The following PRKG1 variants were observed in gnomAD, a reference collection of about 807,000 sequenced individuals.
The protein encoded by PRKG1 is protein kinase cGMP-dependent 1.
Under a neutral mutation model 88.1 loss-of-function variants are expected in PRKG1, and 35 were observed. The observed-to-expected ratio is 0.40, with a 90% CI of 0.30 to 0.53. The LOEUF (loss-of-function observed/expected upper bound fraction) is 0.53, where lower values mean the gene tolerates loss of function less well. PRKG1 is among the 20% of genes least tolerant of loss of function. The pLI, the probability that PRKG1 is intolerant of heterozygous loss-of-function variation, is 0.59. For missense variants in PRKG1, 540 were observed against 839.8 expected, an observed-to-expected ratio of 0.64 and a Z score of 4.41; for synonymous variants, 303 against 292.5, an observed-to-expected ratio of 1.04 and a Z score of -0.37.
chr10:52,099,284 CA>C (rs1213559298), intron 7 of PRKG1, among the ~76,000 whole-genome samples: 1 of 151,976 alleles, frequency 6.6e-6, no homozygotes, highest in Non-Finnish European at 1.5e-5. Flanking sequence ...AATGGTAGAA[CA>C]TTTAAAAAAA....
chr10:52,280,248 G>T (rs1397746399), intron 12 of PRKG1, among the ~76,000 whole-genome samples: 1 of 152,104 alleles, frequency 6.6e-6, no homozygotes, highest in African/African-American at 2.4e-5. Context: ...CATTATGATT[G>T]CATCAGTAGC....
At chr10:51,978,021 A>G (rs1368352785) in intron 5 of PRKG1, among the ~76,000 whole-genome samples, 1 of 151,924 alleles carries the variant, frequency 6.6e-6, no homozygotes, top group Non-Finnish European at 1.5e-5. Flanking sequence ...TTGCTTTGGC[A>G]TCTTTGTCAT....
intron 4 of PRKG1, among the ~76,000 whole-genome samples, chr10:51,882,878 T>C (rs7092679): frequency 0.75 from 114,597 of 152,088 alleles, 43,679 homozygotes; most frequent in African/African-American, 0.87. Context: ...GAGCCGTTGT[T>C]CTCAGTGTAC....
intron 2 of PRKG1, among the ~76,000 whole-genome samples, chr10:51,203,243 CT>C (rs1243623058): frequency 2.6e-5 from 4 of 152,102 alleles, no homozygotes. Flanking sequence ...AGTTTTGTCC[CT>C]TTTCAAACAT....
At chr10:51,049,365 G>A (rs73322654) in intron 1 of PRKG1, among the ~76,000 whole-genome samples, 3,788 of 152,244 alleles carry the variant, frequency 0.025, 73 homozygotes, top group African/African-American at 0.039. Context: ...AATGTGTGGC[G>A]TTGTAATTCA....
intron 2 of PRKG1, among the ~76,000 whole-genome samples, chr10:51,262,730 G>A (rs1839743035): frequency 6.6e-6 from 1 of 152,160 alleles, no homozygotes; most frequent in South Asian, 2.1e-4. Flanking sequence ...AGGGGAAGGA[G>A]AAGCAAAGCA....
In PRKG1 at chr10:51,455,795, A is replaced by G. The variant is rs181392658; in HGVS notation, c.479-11928A>G. Among the ~76,000 whole-genome samples, 14 of 152,290 alleles carry G rather than the reference A, an allele frequency of 9.2e-5. No individual in the cohort carries two copies. The East Asian group carries it at 2.7e-3, about 29-fold the overall frequency. ...TTTCTAGGAAGTTGCAAACTTTCTC[A>G]CTTCTTCCTGTCTTCTGAGCCCTCC... is the stretch of plus-strand genomic sequence containing the variant. On this transcript the variant is annotated intron_variant, in intron 2 of 17. Coordinates refer to ENST00000373980, the MANE Select transcript of PRKG1 (RefSeq NM_006258.4).
intron 3 of PRKG1, among the ~76,000 whole-genome samples, chr10:51,516,192 G>A (rs954691861): frequency 2.6e-5 from 4 of 152,126 alleles, no homozygotes; most frequent in Non-Finnish European, 4.4e-5. Context: ...GAGCTGGAAT[G>A]CTGGAATGGG....
chr10:52,146,902 C>A (rs1017741703), intron 8 of PRKG1, among the ~76,000 whole-genome samples: 2 of 152,148 alleles, frequency 1.3e-5, no homozygotes, highest in African/African-American at 4.8e-5. Flanking sequence ...TCCACTGCAC[C>A]CTCGCCAGCT....
chr10:51,793,126 G>T (rs570587722), intron 3 of PRKG1, among the ~76,000 whole-genome samples: 4 of 105,574 alleles, frequency 3.8e-5, no homozygotes, highest in Admixed American at 1.1e-4. Context: ...TTTAAAGAAG[G>T]TCAGCACACT....
At position 51,698,098 on chromosome 10, in the gene PRKG1, C is replaced by T. The variant is rs1382377739; in HGVS notation, c.593-106487C>T. The T allele has an allele frequency of 3.1e-6, 5 of 1,613,946 alleles. No individual in the cohort carries two copies. The Admixed American group carries it at 5.0e-5, about 16-fold the overall frequency. The stretch of plus-strand genomic sequence containing the variant: ...TGGGTCCCTGAGGAGGGCCACCTGC[C>T]CCTATATTAATGGGACCAGGACCCT... On this transcript the variant is annotated intron_variant, in intron 3 of 17. Transcript: ENST00000373980.
intron 2 of PRKG1, among the ~76,000 whole-genome samples, chr10:51,270,658 G>GA (rs34944647): frequency 0.17 from 25,760 of 151,836 alleles, 2,289 homozygotes; most frequent in Non-Finnish European, 0.2. Flanking sequence ...TTTTCTCTCA[G>GA]AAAAAAATCA....
intron 2 of PRKG1, among the ~76,000 whole-genome samples, chr10:51,397,376 C>T (rs1396694865): frequency 6.6e-6 from 1 of 152,028 alleles, no homozygotes; most frequent in Non-Finnish European, 1.5e-5. Context: ...CCTTTTATAG[C>T]CTATGACCTA....
intron 3 of PRKG1, among the ~76,000 whole-genome samples, chr10:51,609,070 T>G (rs1031384446): frequency 6.6e-6 from 1 of 151,968 alleles, no homozygotes; most frequent in African/African-American, 2.4e-5. Flanking sequence ...TAAGGTTAGT[T>G]TATTATTTTT....
At chr10:51,482,153 C>G (rs1266392524) in intron 3 of PRKG1, among the ~76,000 whole-genome samples, 2 of 152,172 alleles carry the variant, frequency 1.3e-5, no homozygotes, top group African/African-American at 4.8e-5. Flanking sequence ...CCAGTACAAA[C>G]TACTCACCTC....
intron 7 of PRKG1, among the ~76,000 whole-genome samples, chr10:52,107,747 GC>G (rs1189273015): frequency 6.6e-6 from 1 of 152,146 alleles, no homozygotes; most frequent in Non-Finnish European, 1.5e-5. Flanking sequence ...GTGTCTATGG[GC>G]CATGGATTTT....
intron 2 of PRKG1, among the ~76,000 whole-genome samples, chr10:51,357,122 G>A (rs1429319442): frequency 6.6e-6 from 1 of 151,968 alleles, no homozygotes; most frequent in Non-Finnish European, 1.5e-5. Flanking sequence ...TATTAGAATG[G>A]CACTTAGCAA....
At chr10:51,559,905 G>A (rs769720384) in intron 3 of PRKG1, among the ~76,000 whole-genome samples, 8 of 151,988 alleles carry the variant, frequency 5.3e-5, no homozygotes, top group Non-Finnish European at 1.2e-4. Context: ...TTATATTATT[G>A]ATAAATAACC....
At chr10:51,816,468 A>C (rs1839587818) in intron 4 of PRKG1, among the ~76,000 whole-genome samples, 1 of 152,082 alleles carries the variant, frequency 6.6e-6, no homozygotes, top group African/African-American at 2.4e-5. Context: ...TATATTGAAA[A>C]TATTCCTTGG....
Sources: gnomAD v4.1 joint callset for allele counts (sites outside exome capture counted in the v4.1 genomes callset) on GRCh38, gnomAD v4.1.1 for gene constraint, MANE v1.5 for transcripts, NCBI Gene and HGNC (gene_info 2026-07-23, HGNC 2026-07-21) for gene names.